ST6GALNAC3: variants seen among roughly 807,000 people sequenced by gnomAD.
The protein encoded by ST6GALNAC3 is alpha-N-acetylgalactosaminide alpha-2,6-sialyltransferase 3.
ST6GALNAC3 carries 25 observed loss-of-function variants against 32.7 expected under a neutral mutation model. That is an observed-to-expected ratio of 0.76 (90% CI 0.56 to 1.07). The LOEUF is 1.07. ST6GALNAC3 is among the 50% of genes least tolerant of loss of function. ST6GALNAC3 has a pLI of 0.00. For synonymous variants in ST6GALNAC3, 129 were observed against 133.1 expected (o/e 0.97, Z 0.21); for missense variants, 355 against 382.4 (o/e 0.93, Z 0.60).
At chr1:76,089,160 C>G (rs1647006425) in intron 1 of ST6GALNAC3, among the ~76,000 whole-genome samples, 2 of 152,146 alleles carry the variant, frequency 1.3e-5, no homozygotes, top group Non-Finnish European at 1.5e-5. Context: ...TCCCAAGTAG[C>G]TGGGACTACA....
chr1:76,170,780 G>A (rs1012645556), intron 1 of ST6GALNAC3, among the ~76,000 whole-genome samples: 2 of 152,090 alleles, frequency 1.3e-5, no homozygotes, highest in African/African-American at 2.4e-5. Flanking sequence ...TTATTGATCC[G>A]AGCACAAAGC....
At chr1:76,202,645 A>G (rs1287538774) in intron 1 of ST6GALNAC3, among the ~76,000 whole-genome samples, 1 of 152,112 alleles carries the variant, frequency 6.6e-6, no homozygotes, top group African/African-American at 2.4e-5. Context: ...CAGTCAGAGT[A>G]CCTATTCCCA....
Position 76,628,802 on chromosome 1 carries a change from C to T in ST6GALNAC3, c.914C>T (p.Ser305Phe). 6 of 1,610,432 alleles carry T rather than the reference C, an allele frequency of 3.7e-6. No individual in the cohort carries two copies. Among genetic ancestry groups the T allele is most frequent in the Non-Finnish European group, 5.1e-6 (6 of 1,178,214 alleles). Residue 305 changes from serine (S) to phenylalanine (F), a missense_variant, in exon 5 of 5, where the codon TCT becomes TTT. Coordinates refer to ENST00000328299, the MANE Select transcript of ST6GALNAC3 (RefSeq NM_152996.4). ...IIFTHPNWTLS is the reference protein window; with the variant it reads ...IIFTHPNWTLF ...TTTACACATCCAAACTGGACATTGT[C>T]TTGATAATGGTTTTCCTGATCTTGC...
chr1:76,137,824 T>A (rs2992503), intron 1 of ST6GALNAC3, among the ~76,000 whole-genome samples: 28,801 of 152,116 alleles, frequency 0.19, 2,905 homozygotes, highest in African/African-American at 0.25. Context: ...ATCTATATGA[T>A]TTTGAATTTC....
chr1:76,635,375 C>T (rs145511584), downstream of ST6GALNAC3, among the ~76,000 whole-genome samples: 342 of 152,298 alleles, frequency 2.2e-3, 1 homozygote, highest in African/African-American at 7.8e-3. Flanking sequence ...GAAATAATAA[C>T]TTCTACTTAT....
chr1:76,312,236 C>G (rs1315639085), intron 1 of ST6GALNAC3, among the ~76,000 whole-genome samples: 1 of 152,100 alleles, frequency 6.6e-6, no homozygotes, highest in Non-Finnish European at 1.5e-5. Flanking sequence ...ATGCAGAAAA[C>G]TGAAACTGGA....
rs1159864958 is a variant in ST6GALNAC3, at chr1:76,605,861, T to TAAAAAAAAAA, written c.624-21572_624-21563dup. ...TCCTGGGTAATAGAGGGAGACTCCA[T>TAAAAAAAAAA]AAAAAAAAAAAAAAAAAAAAAAAAA... is the stretch of plus-strand genomic sequence containing the variant. On this transcript the variant is annotated intron_variant, in intron 3 of 4. Transcript: ENST00000328299. Among the ~76,000 whole-genome samples, 150 of 58,896 alleles carry TAAAAAAAAAA rather than the reference T, an allele frequency of 2.5e-3. 23 individuals are homozygous for TAAAAAAAAAA. The highest frequency in any genetic ancestry group is 0.011 in the African/African-American group (147 of 13,582). The allele number at this position is 58,896 out of a possible 152,430, so 38.6% of individuals were successfully genotyped here.
At chr1:76,300,019 C>T (rs575986404) in intron 1 of ST6GALNAC3, among the ~76,000 whole-genome samples, 32 of 152,068 alleles carry the variant, frequency 2.1e-4, no homozygotes, top group South Asian at 2.1e-4. Context: ...TGACCATGTG[C>T]GCTAACCTAT....
At chr1:76,101,396 T>G (rs2100775717) in intron 1 of ST6GALNAC3, among the ~76,000 whole-genome samples, 1 of 152,300 alleles carries the variant, frequency 6.6e-6, no homozygotes, top group East Asian at 1.9e-4. Context: ...CAGAATTTGC[T>G]TATCCATTCT....
At chr1:76,075,854 G>A (rs1646808782) in intron 1 of ST6GALNAC3, among the ~76,000 whole-genome samples, 1 of 152,186 alleles carries the variant, frequency 6.6e-6, no homozygotes, top group Non-Finnish European at 1.5e-5. Context: ...TGTGACGATG[G>A]AAAATACCAG....
chr1:76,340,432 G>T (rs1427025340), intron 2 of ST6GALNAC3, among the ~76,000 whole-genome samples: 1 of 152,142 alleles, frequency 6.6e-6, no homozygotes, highest in South Asian at 2.1e-4. Context: ...TGCTCCCAAG[G>T]TGCCAAAGGG....
intron 1 of ST6GALNAC3, among the ~76,000 whole-genome samples, chr1:76,194,364 T>C (rs1467371478): frequency 6.6e-6 from 1 of 152,178 alleles, no homozygotes; most frequent in Non-Finnish European, 1.5e-5. Flanking sequence ...CCCTTCTACA[T>C]TCTTAAGAAA....
rs1214951998 is a variant in ST6GALNAC3 at position 76,628,645 on chromosome 1, T to C, written c.757T>C (p.Tyr253His). Residue 253 changes from tyrosine (Y) to histidine (H), a missense_variant, in exon 5 of 5, where the codon TAC (tyrosine) becomes CAC (histidine). By Grantham distance (83) the Tyr-to-His change is moderately conservative (BLOSUM62 2). Coordinates refer to ENST00000328299, the MANE Select transcript of ST6GALNAC3 (RefSeq NM_152996.4). ...CKTEGYRKVPYHYYEQGRDEC... is the reference protein window; with the variant it reads ...CKTEGYRKVPHHYYEQGRDEC... ...GACAGAAGGGTATAGAAAAGTCCCC[T>C]ACCATTATTATGAACAAGGAAGAGA... is the stretch of plus-strand genomic sequence containing the variant. 1 of 1,610,342 alleles carries C rather than the reference T, an allele frequency of 6.2e-7. No homozygotes were observed. Among genetic ancestry groups the C allele is most frequent in the Non-Finnish European group, 8.5e-7 (1 of 1,178,604 alleles).
intron 3 of ST6GALNAC3, among the ~76,000 whole-genome samples, chr1:76,458,927 T>C (rs1054212576): frequency 2.2e-4 from 33 of 151,896 alleles, no homozygotes; most frequent in African/African-American, 8.0e-4. Flanking sequence ...AAAATAATCT[T>C]GTAAAAAAAA....
Position 76,313,869 on chromosome 1 carries a change from T to C in ST6GALNAC3, c.83T>C (p.Val28Ala), listed in dbSNP as rs954967214. ...AFLFLLVVRL[V>A]NEVNFPLLLN... is the part of the protein sequence containing the mutation. The stretch of plus-strand genomic sequence containing the variant: ...CTTTTCCTGCTGGTTGTGCGTCTTG[T>C]AAATGAAGTGAATTTCCCATTGCTA... The change falls in exon 2 of 5, where the codon GTA (valine) becomes GCA (alanine). Residue 28 changes from valine (V) to alanine (A), a missense_variant. Transcript: ENST00000328299. 6 of 1,613,566 alleles carry C rather than the reference T, an allele frequency of 3.7e-6. No individual in the cohort carries two copies. The highest frequency in any genetic ancestry group is 5.1e-6 in the Non-Finnish European group (6 of 1,179,756).
intron 3 of ST6GALNAC3, among the ~76,000 whole-genome samples, chr1:76,446,812 C>T (rs1657006275): frequency 6.6e-6 from 1 of 152,198 alleles, no homozygotes. Flanking sequence ...TCCTCCTTGC[C>T]TTCCACCATG....
Position 76,412,059 on chromosome 1 carries a change from A to G in ST6GALNAC3, c.265A>G (p.Met89Val), listed in dbSNP as rs1654276539. ...LCAIVSNSGQ[M>V]VGQKVGNEID... ...TGCCATAGTGTCAAACTCAGGTCAG[A>G]TGGTTGGCCAGAAGGTGGGAAATGA... The change falls in exon 3 of 5, where the codon ATG becomes GTG. Residue 89 changes from methionine (M) to valine (V), a missense_variant. Met to Val is a conservative substitution (Grantham distance 21). Coordinates refer to ENST00000328299, the MANE Select transcript of ST6GALNAC3 (RefSeq NM_152996.4). 13 of 1,613,582 alleles carry G rather than the reference A, an allele frequency of 8.1e-6. No individual in the cohort carries two copies. The highest frequency in any genetic ancestry group is 1.1e-5 in the Non-Finnish European group (13 of 1,179,724).
At chr1:76,114,240 A>G (rs911212140) in intron 1 of ST6GALNAC3, among the ~76,000 whole-genome samples, 2 of 152,220 alleles carry the variant, frequency 1.3e-5, no homozygotes, top group Non-Finnish European at 2.9e-5. Context: ...GAAAAAATAT[A>G]GACAGCATGG....
chr1:76,545,768 TGCCTCAGCCTCCC>T (rs1664259394), intron 3 of ST6GALNAC3, among the ~76,000 whole-genome samples: 1 of 151,964 alleles, frequency 6.6e-6, no homozygotes, highest in South Asian at 2.1e-4. Context: ...GTGATTCTCC[TGCCTCAGCCTCCC>T]GAGTAGCTGG....
Sources: gnomAD v4.1 joint callset for allele counts (sites outside exome capture counted in the v4.1 genomes callset) on GRCh38, gnomAD v4.1.1 for gene constraint, MANE v1.5 for transcripts, NCBI Gene and HGNC (gene_info 2026-07-23, HGNC 2026-07-21) for gene names.